Variants in C1QTNF5 observed in about 807,000 individuals in gnomAD.
C1QTNF5 encodes the protein complement C1q tumor necrosis factor-related protein 5.
A neutral mutation model predicts 10.9 loss-of-function variants in C1QTNF5; 5 were observed. The observed-to-expected ratio is 0.46, with a 90% CI of 0.24 to 0.97. The LOEUF is 0.97. Among genes scored for constraint, C1QTNF5 ranks in the 50% least tolerant of loss-of-function variants. The pLI, the probability that C1QTNF5 is intolerant of heterozygous loss-of-function variation, is 0.19. For synonymous variants in C1QTNF5, 161 were observed against 156.5 expected (o/e 1.03, Z -0.22); for missense variants, 281 against 339.4 (o/e 0.83, Z 1.35).
upstream of C1QTNF5, chr11:119,345,071 T>C (rs1950546717): frequency 6.4e-7 from 1 of 1,559,506 alleles, no homozygotes; most frequent in Non-Finnish European, 8.7e-7. Flanking sequence ...GGAGCTTGCC[T>C]GGGCCTTGCA....
upstream of C1QTNF5, chr11:119,344,521 G>A (rs537400541): frequency 3.8e-6 from 6 of 1,591,022 alleles, no homozygotes; most frequent in African/African-American, 6.7e-5. Context: ...AAGAATGACT[G>A]AGCAGGAAAT....
At chr11:119,340,110 G>T (rs1950485948) in intron 2 of C1QTNF5, 74 bp downstream of exon 2, 2 of 1,450,812 alleles carry the variant, frequency 1.4e-6, no homozygotes, top group Admixed American at 2.6e-5. Flanking sequence ...CCCGAGTCCC[G>T]GACACCGGGA....
Position 119,340,057 on chromosome 11 carries a change from T to G in C1QTNF5, c.214+127A>C. ...CCCGCCGCCTGGGCCCCTCCCCCGC[T>G]CAGGGCTGCAAAGCGCGGGGAGTGG... On this transcript the variant is annotated intron_variant, in intron 2 of 2. Transcript: ENST00000528368. 3 of 1,299,096 alleles carry G rather than the reference T, an allele frequency of 2.3e-6. No individual in the cohort carries two copies. In the South Asian group the frequency reaches 4.9e-5, roughly 21 times the overall value. The allele number at this position is 1,299,096 out of a possible 1,614,324, so 80.5% of individuals were successfully genotyped here. A position where few individuals can be genotyped will look rare whatever the true frequency, so the allele number is the denominator to read the frequency against.
chr11:119,342,576 C>G (rs371437024), upstream of C1QTNF5: 1 of 1,612,484 alleles, frequency 6.2e-7, no homozygotes, highest in Non-Finnish European at 8.5e-7. Context: ...GCTCAGGGTC[C>G]CCAGGGGCAG....
chr11:119,338,962 A>G lies in C1QTNF5; in HGVS notation c.*369T>C. On this transcript the variant is annotated 3_prime_UTR_variant, in exon 3 of 3. Coordinates refer to ENST00000528368, the MANE Select transcript of C1QTNF5 (RefSeq NM_001278431.2). Reference sequence around the variant, plus strand: ...GGTAGGAGGGTTCTTAGGTTTATTGAGTGATCTCTGAGAAAAGGGCCGGCC... The same window carrying G: ...GGTAGGAGGGTTCTTAGGTTTATTGGGTGATCTCTGAGAAAAGGGCCGGCC... 1 of 205,740 alleles carries G rather than the reference A, an allele frequency of 4.9e-6. No homozygotes were observed. Among genetic ancestry groups the G allele is most frequent in the Non-Finnish European group, 9.8e-6 (1 of 102,014 alleles). 12.7% of individuals were successfully genotyped at this position (205,740 alleles called of 1,614,324 possible). A position where few individuals can be genotyped will look rare whatever the true frequency, so the allele number is the denominator to read the frequency against.
chr11:119,339,334 A>G lies in C1QTNF5; in HGVS notation c.729T>C (p.Ala243=). Residue 243 remains alanine (A), a synonymous_variant, in exon 3 of 3, where the codon GCT becomes GCC. Coordinates refer to ENST00000528368, the MANE Select transcript of C1QTNF5 (RefSeq NM_001278431.2). This position sits in a 1 kb window ranked among gnomAD's most constrained non-coding sequence, Gnocchi z 5.4. ...TGAGCTCACTTTGCAGTGGGCACTA[A>G]GCAAAGACTGGGGAGCTGTGCCAGT... ...YSDWHSSPVF[A] is the part of the protein sequence containing the mutation. 1 of 1,612,394 alleles carries G rather than the reference A, an allele frequency of 6.2e-7. No homozygotes were observed. The highest frequency in any genetic ancestry group is 1.1e-5 in the South Asian group (1 of 90,928).
At chr11:119,345,419 C>T (rs1226217440), upstream of C1QTNF5, 3 of 1,613,720 alleles carry the variant, frequency 1.9e-6, no homozygotes, top group Non-Finnish European at 2.5e-6. Flanking sequence ...GAGGGACCTA[C>T]CTGAGGAGGG....
chr11:119,339,977 G>C lies in C1QTNF5; in HGVS notation c.215-129C>G, dbSNP rs1222108462. 1.1e-5 allele frequency: 14 copies of C among 1,327,192 alleles called. No homozygotes were observed. The highest frequency in any genetic ancestry group is 1.5e-5 in the African/African-American group (1 of 64,682). 82.2% of individuals were successfully genotyped at this position (1,327,192 alleles called of 1,614,324 possible). On this transcript the variant is annotated intron_variant, in intron 2 of 2. Coordinates refer to ENST00000528368, the MANE Select transcript of C1QTNF5 (RefSeq NM_001278431.2). The surrounding 1 kb of genome is among the most constrained non-coding windows in gnomAD (Gnocchi z 5.4). Reference sequence around the variant, plus strand: ...TCGGCCAGCGCCTCCTCCCGCACGGGTACCTCCTCCACCCCTTCCCGCAGG... The same window carrying C: ...TCGGCCAGCGCCTCCTCCCGCACGGCTACCTCCTCCACCCCTTCCCGCAGG...
chr11:119,340,185 C>T lies in C1QTNF5; in HGVS notation c.213G>A (p.Pro71=), dbSNP rs1296310915. The change falls in exon 2 of 3, where the codon CCG becomes CCA. Residue 71 remains proline (P), a splice_region_variant and synonymous_variant. Coordinates refer to ENST00000528368, the MANE Select transcript of C1QTNF5 (RefSeq NM_001278431.2). The stretch of plus-strand genomic sequence containing the variant: ...ATAGCCGCGGCGGTGCCTTCTTACC[C>T]GGCCTCCCGCCCTCGCCTTTCTCTC... ...APGEKGEGGR[P]GLPGPRGDPG... 1.3e-6 allele frequency: 2 copies of T among 1,514,826 alleles called. No individual in the cohort carries two copies. The highest frequency in any genetic ancestry group is 1.8e-6 in the Non-Finnish European group (2 of 1,134,386). The allele number at this position is 1,514,826 out of a possible 1,614,324, so 93.8% of individuals were successfully genotyped here.
chr11:119,342,587 G>A (rs1950513358), upstream of C1QTNF5: 2 of 1,612,828 alleles, frequency 1.2e-6, no homozygotes, highest in South Asian at 1.1e-5. Flanking sequence ...CCAGGGGCAG[G>A]CTTCTCACCT....
At position 119,340,311 on chromosome 11, in the gene C1QTNF5, C is replaced by T. The variant is rs1256963140; in HGVS notation, c.87G>A (p.Pro29=). 2 of 1,539,012 alleles carry T rather than the reference C, an allele frequency of 1.3e-6. No homozygotes were observed. The highest frequency in any genetic ancestry group is 1.4e-5 in the African/African-American group (1 of 71,370). The change falls in exon 2 of 3, where the codon CCG becomes CCA. Residue 29 remains proline (P), a synonymous_variant. Coordinates refer to ENST00000528368, the MANE Select transcript of C1QTNF5 (RefSeq NM_001278431.2). ...LDDNKIPSLC[P]GHPGLPGTPG... is the part of the protein sequence containing the mutation. The stretch of plus-strand genomic sequence containing the variant: ...GCGTGCCTGGAAGGCCGGGGTGCCC[C>T]GGGCAGAGGCTGGGGATCTTGTTGT...
chr11:119,341,301 G>A (rs1950500195), upstream of C1QTNF5: 3 of 565,894 alleles, frequency 5.3e-6, no homozygotes, highest in East Asian at 8.8e-5. Context: ...ATGGGAAGTG[G>A]TCTCGATTGT....
the C1QTNF5 span, chr11:119,346,693 T>C: frequency 3.0e-6 from 2 of 673,034 alleles, no homozygotes; most frequent in East Asian, 2.7e-5. Context: ...TATGGGCTAC[T>C]CTGTCTCTGT....
At chr11:119,344,501 T>C (rs1950538350), upstream of C1QTNF5, 1 of 1,574,894 alleles carries the variant, frequency 6.3e-7, no homozygotes, top group Non-Finnish European at 8.7e-7. Context: ...GGGAAACAAG[T>C]TCTGGGCCAA....
upstream of C1QTNF5, chr11:119,345,343 C>T: frequency 3.4e-6 from 5 of 1,461,852 alleles, no homozygotes; most frequent in Middle Eastern, 1.8e-4. Flanking sequence ...TAGCCCTTCT[C>T]CCTGCCACTC....
rs1050632888 is a variant in C1QTNF5 at position 119,340,208 on chromosome 11, C to T, written c.190G>A (p.Glu64Lys). The T allele has an allele frequency of 6.6e-7, 1 of 1,515,584 alleles. No individual in the cohort carries two copies. The highest frequency in any genetic ancestry group is 8.8e-7 in the Non-Finnish European group (1 of 1,134,524). The allele number at this position is 1,515,584 out of a possible 1,614,324, so 93.9% of individuals were successfully genotyped here. Residue 64 changes from glutamate (E) to lysine (K), a missense_variant, in exon 2 of 3, where the codon GAG becomes AAG. By Grantham distance (56) the Glu-to-Lys change is moderately conservative (BLOSUM62 1). Transcript: ENST00000528368. Reference protein sequence around the residue: ...GRDGAPGAPGEKGEGGRPGLP... With the variant: ...GRDGAPGAPGKKGEGGRPGLP... ...CCCGGCCTCCCGCCCTCGCCTTTCT[C>T]TCCCGGAGCCCCGGGCGCGCCGTCG... is the stretch of plus-strand genomic sequence containing the variant.
chr11:119,342,456 TG>T (rs1950511542), upstream of C1QTNF5: 11 of 1,053,256 alleles, frequency 1.0e-5, no homozygotes, highest in East Asian at 2.9e-4. Flanking sequence ...CTCTGTGAAG[TG>T]GTCCCAGAGT....
upstream of C1QTNF5, chr11:119,344,631 C>A (rs1436269832): frequency 6.2e-7 from 1 of 1,614,044 alleles, no homozygotes; most frequent in Admixed American, 1.7e-5. Context: ...CTGGCCCGTA[C>A]CCGAGAACTT....
chr11:119,341,183 C>T (rs914404416), upstream of C1QTNF5: 7 of 300,530 alleles, frequency 2.3e-5, no homozygotes, highest in African/African-American at 1.5e-4. Context: ...AGGACAGGGG[C>T]CTGCCACATG....
Sources: gnomAD v4.1 joint callset for allele counts on GRCh38, gnomAD v4.1.1 for gene constraint, Gnocchi (gnomAD v3.1) non-coding constraint, MANE v1.5 for transcripts, NCBI Gene and HGNC (gene_info 2026-07-23, HGNC 2026-07-21) for gene names.